Variants in RABGAP1L observed in about 807,000 individuals in gnomAD.
RABGAP1L encodes the protein rab GTPase-activating protein 1-like.
A neutral mutation model predicts 137.7 loss-of-function variants in RABGAP1L; 63 were observed. That is an observed-to-expected ratio of 0.46 (90% confidence interval 0.37 to 0.56). The LOEUF (loss-of-function observed/expected upper bound fraction) is 0.56, where lower values mean the gene tolerates loss of function less well. RABGAP1L is among the 20% of genes least tolerant of loss of function. The pLI, the probability that RABGAP1L is intolerant of heterozygous loss-of-function variation, is 0.00. For synonymous variants in RABGAP1L, 431 were observed against 433.7 expected (o/e 0.99, Z 0.08); for missense variants, 1,095 against 1,244.0 (o/e 0.88, Z 1.80).
chr1:174,213,888 T>C (rs899756316), intron 1 of RABGAP1L, among the ~76,000 whole-genome samples: 1 of 152,212 alleles, frequency 6.6e-6, no homozygotes, highest in Admixed American at 6.5e-5. Context: ...AATATCATAC[T>C]GAAGAAGGAA....
chr1:174,330,486 G>A (rs1389130000), intron 11 of RABGAP1L, among the ~76,000 whole-genome samples: 3 of 152,168 alleles, frequency 2.0e-5, no homozygotes, highest in African/African-American at 7.2e-5. Context: ...TCAGGAGACT[G>A]AGGGAGGAGG....
chr1:174,224,303 C>T (rs1016602743), intron 3 of RABGAP1L, among the ~76,000 whole-genome samples: 8 of 152,104 alleles, frequency 5.3e-5, no homozygotes, highest in African/African-American at 1.7e-4. Flanking sequence ...TGGTGACACC[C>T]GGTGTCTACT....
chr1:174,699,456 A>C, intron 15 of RABGAP1L, 69 bp from the exon 16 acceptor site: 1 of 1,467,772 alleles, frequency 6.8e-7, no homozygotes, highest in African/African-American at 1.4e-5. Flanking sequence ...TAATAACATG[A>C]AGGAACTTTT....
intron 13 of RABGAP1L, among the ~76,000 whole-genome samples, chr1:174,529,097 T>G (rs1664174389): frequency 6.6e-6 from 1 of 151,910 alleles, no homozygotes; most frequent in South Asian, 2.1e-4. Context: ...TCCCTGAGCT[T>G]CTTTAGAATT....
intron 1 of RABGAP1L, among the ~76,000 whole-genome samples, chr1:174,189,639 A>G (rs1445201855): frequency 6.6e-6 from 1 of 152,122 alleles, no homozygotes; most frequent in Non-Finnish European, 1.5e-5. Context: ...GTGTTAGTGG[A>G]TTATCATGGG....
intron 17 of RABGAP1L, among the ~76,000 whole-genome samples, chr1:174,741,390 TCTTGC>T (rs1428888850): frequency 6.6e-6 from 1 of 152,096 alleles, no homozygotes; most frequent in Non-Finnish European, 1.5e-5. Flanking sequence ...TGAGACAGAG[TCTTGC>T]CTTGTCACCC....
At chr1:174,168,356 A>G (rs1033822370) in intron 1 of RABGAP1L, among the ~76,000 whole-genome samples, 4 of 151,554 alleles carry the variant, frequency 2.6e-5, no homozygotes, top group Non-Finnish European at 5.9e-5. Flanking sequence ...AAGGGAGGTT[A>G]TATATATATT....
At chr1:174,494,050 A>G (rs958685785) in intron 13 of RABGAP1L, among the ~76,000 whole-genome samples, 2 of 152,138 alleles carry the variant, frequency 1.3e-5, no homozygotes, top group Non-Finnish European at 2.9e-5. Context: ...TTTGGAGCCT[A>G]GTAATTTTGG....
intron 2 of RABGAP1L, among the ~76,000 whole-genome samples, chr1:174,220,062 G>A (rs1035640540): frequency 6.6e-6 from 1 of 151,940 alleles, no homozygotes; most frequent in African/African-American, 2.4e-5. Context: ...ATAATCAGTG[G>A]CTTTATTTTT....
At chr1:174,402,201 A>G (rs886447557) in intron 13 of RABGAP1L, among the ~76,000 whole-genome samples, 1 of 152,130 alleles carries the variant, frequency 6.6e-6, no homozygotes, top group African/African-American at 2.4e-5. Context: ...ACCATCAAGA[A>G]AACTGTCACA....
At chr1:174,655,700 A>T (rs566980455) in intron 14 of RABGAP1L, among the ~76,000 whole-genome samples, 1 of 152,138 alleles carries the variant, frequency 6.6e-6, no homozygotes, top group Non-Finnish European at 1.5e-5. Context: ...TAGTTTATTT[A>T]TATGTTATAT....
At chr1:174,828,346 A>T (rs1573390207) in intron 19 of RABGAP1L, among the ~76,000 whole-genome samples, 1 of 148,044 alleles carries the variant, frequency 6.8e-6, no homozygotes, top group African/African-American at 2.5e-5. Flanking sequence ...ATCACTCCTC[A>T]GAGGACACTG....
chr1:174,957,933 G>C, intron 20 of RABGAP1L: 1 of 1,578,686 alleles, frequency 6.3e-7, no homozygotes, highest in Middle Eastern at 1.7e-4. Flanking sequence ...ATTTATACTG[G>C]GAATCTTCAT....
chr1:174,581,264 C>G (rs1572393527), intron 13 of RABGAP1L, among the ~76,000 whole-genome samples: 1 of 152,120 alleles, frequency 6.6e-6, no homozygotes, highest in Admixed American at 6.5e-5. Flanking sequence ...AAAGTGGAAA[C>G]AACCAAAATG....
chr1:174,210,756 C>T (rs913892436), intron 1 of RABGAP1L, among the ~76,000 whole-genome samples: 1 of 151,924 alleles, frequency 6.6e-6, no homozygotes, highest in African/African-American at 2.4e-5. Flanking sequence ...TATAGAACAC[C>T]AAGCAGATTT....
At chr1:174,851,768 A>G (rs867592901) in intron 19 of RABGAP1L, among the ~76,000 whole-genome samples, 6 of 150,466 alleles carry the variant, frequency 4.0e-5, no homozygotes, top group Non-Finnish European at 5.9e-5. Flanking sequence ...CAGTCCTCCC[A>G]CCTCAGCTTC....
At chr1:174,966,190 A>T (rs1219874478) in intron 20 of RABGAP1L, among the ~76,000 whole-genome samples, 1 of 152,164 alleles carries the variant, frequency 6.6e-6, no homozygotes, top group African/African-American at 2.4e-5. Context: ...CAACATTTTC[A>T]CTTGTGCCAA....
intron 14 of RABGAP1L, among the ~76,000 whole-genome samples, chr1:174,672,276 CCTTTCTT>C (rs1677239653): frequency 7.9e-6 from 1 of 126,132 alleles, no homozygotes; most frequent in African/African-American, 3.3e-5. Flanking sequence ...TTTTTTTTTT[CCTTTCTT>C]TTTTTTTTTT....
intron 13 of RABGAP1L, among the ~76,000 whole-genome samples, chr1:174,397,280 G>A (rs968976892): frequency 1.3e-5 from 2 of 152,230 alleles, no homozygotes; most frequent in Non-Finnish European, 2.9e-5. Context: ...TTCTGCCAGT[G>A]AAGATTGCGG....
Sources: allele counts gnomAD v4.1 joint callset (sites outside exome capture counted in the v4.1 genomes callset), GRCh38; gene constraint gnomAD v4.1.1; transcripts MANE v1.5; gene names NCBI Gene and HGNC (gene_info 2026-07-23, HGNC 2026-07-21).